The following RUVBL1 variants were observed in gnomAD, a reference collection of about 807,000 sequenced individuals.
RUVBL1 encodes ruvB-like 1.
A neutral mutation model predicts 52.4 loss-of-function variants in RUVBL1; 4 were observed. The observed-to-expected ratio is 0.08, with a 90% CI of 0.04 to 0.17. RUVBL1 has a LOEUF of 0.17. RUVBL1 is among the 10% of genes least tolerant of loss of function. The pLI is 1.00. For missense variants in RUVBL1, 298 were observed against 572.8 expected (o/e 0.52, Z 4.90); for synonymous variants, 217 against 214.4 (o/e 1.01, Z -0.10).
At chr3:128,068,071 C>A in intron 9 of RUVBL1, 2 of 1,608,854 alleles carry the variant, frequency 1.2e-6, no homozygotes, top group Non-Finnish European at 1.7e-6. Context: ...TGAGTGGTGG[C>A]CCCAGGTCCC....
intron 1 of RUVBL1, among the ~76,000 whole-genome samples, chr3:128,133,580 A>G (rs1160271880): frequency 6.6e-6 from 1 of 152,236 alleles, no homozygotes; most frequent in Non-Finnish European, 1.5e-5. Context: ...ACGGGAAGAG[A>G]ACAAGAGTCT....
chr3:128,148,899 T>A (rs1944143240), intron 1 of RUVBL1, among the ~76,000 whole-genome samples: 1 of 152,196 alleles, frequency 6.6e-6, no homozygotes, highest in East Asian at 1.9e-4. Context: ...TATTCCACAG[T>A]ATAGACAGAC....
chr3:128,134,240 A>T (rs1943918682), intron 1 of RUVBL1, among the ~76,000 whole-genome samples: 1 of 151,920 alleles, frequency 6.6e-6, no homozygotes, highest in African/African-American at 2.4e-5. Context: ...AGGTAGGCAG[A>T]TCACTTGAGG....
Position 128,067,269 on chromosome 3 carries a change from A to C in RUVBL1, c.940-2049T>G. ...GATATTTTCCATTGTGCCTTTTACAAATTCAGCACATTAAATTATCTTTTC... is the reference window on the plus strand; with the variant it reads ...GATATTTTCCATTGTGCCTTTTACACATTCAGCACATTAAATTATCTTTTC... On this transcript the variant is annotated intron_variant, in intron 9 of 9. Transcript: ENST00000464873. The surrounding 1 kb of genome is among the most constrained non-coding windows in gnomAD (Gnocchi z 4.1). 13 of 1,303,104 alleles carry C rather than the reference A, an allele frequency of 1.0e-5. No homozygotes were observed. The highest frequency in any genetic ancestry group is 1.3e-5 in the Non-Finnish European group (12 of 927,826). 80.7% of individuals were successfully genotyped at this position (1,303,104 alleles called of 1,614,324 possible). A position where few individuals can be genotyped will look rare whatever the true frequency, so the allele number is the denominator to read the frequency against.
chr3:128,153,236 G>A, exon 1 of RUVBL1: 1 of 1,338,530 alleles, frequency 7.5e-7, no homozygotes, highest in Non-Finnish European at 9.5e-7. Flanking sequence ...TTCTCAGAAG[G>A]ATCCCTCCAT....
intron 9 of RUVBL1, chr3:128,071,093 C>T (rs2107656797): frequency 6.6e-6 from 1 of 152,508 alleles, no homozygotes; most frequent in African/African-American, 2.4e-5. Flanking sequence ...AGCACAGGGC[C>T]ACCGCCACAG....
In RUVBL1 at chr3:128,123,802, C is replaced by G. The variant is rs1313103859; in HGVS notation, c.-78G>C. The G allele has an allele frequency of 3.4e-6, 5 of 1,485,368 alleles. No homozygotes were observed. In the African/African-American group the frequency reaches 7.0e-5, roughly 21 times the overall value. 92.0% of individuals were successfully genotyped at this position (1,485,368 alleles called of 1,614,324 possible). A position where few individuals can be genotyped will look rare whatever the true frequency, so the allele number is the denominator to read the frequency against. Reference sequence around the variant, plus strand: ...TGCGCCCGGCGCCTGAGTTACCATGCGGCCGTTACTAGGGCAATTTGCAAA... The same window carrying G: ...TGCGCCCGGCGCCTGAGTTACCATGGGGCCGTTACTAGGGCAATTTGCAAA... On this transcript the variant is annotated 5_prime_UTR_variant, in exon 1 of 11. Coordinates refer to ENST00000322623, the MANE Select transcript of RUVBL1 (RefSeq NM_003707.3).
chr3:128,065,908 A>AT (rs749114427), intron 9 of RUVBL1, among the ~76,000 whole-genome samples: 2 of 150,244 alleles, frequency 1.3e-5, no homozygotes, highest in Non-Finnish European at 3.0e-5. Flanking sequence ...CGCCCGGCTA[A>AT]TTTTTTTTTA....
intron 3 of RUVBL1, among the ~76,000 whole-genome samples, chr3:128,105,371 C>T (rs1372865154): frequency 4.0e-5 from 6 of 151,856 alleles, no homozygotes; most frequent in Non-Finnish European, 7.4e-5. Context: ...CTACCCTCCT[C>T]GGCCTCCCAA....
chr3:128,137,898 C>T (rs1167015239), intron 1 of RUVBL1, among the ~76,000 whole-genome samples: 1 of 152,192 alleles, frequency 6.6e-6, no homozygotes, highest in Non-Finnish European at 1.5e-5. Context: ...ATATGCAAAT[C>T]AACCAGTGTG....
intron 8 of RUVBL1, among the ~76,000 whole-genome samples, chr3:128,088,662 G>A (rs540468977): frequency 2.0e-5 from 3 of 151,840 alleles, no homozygotes; most frequent in African/African-American, 4.8e-5. Flanking sequence ...GAGTGCAGTG[G>A]CATGATTCTA....
intron 1 of RUVBL1, among the ~76,000 whole-genome samples, chr3:128,152,852 CG>C (rs1272999195): frequency 1.5e-5 from 2 of 136,226 alleles, no homozygotes; most frequent in Non-Finnish European, 3.1e-5. Context: ...CTGCTGCTGG[CG>C]GGGGTGGCCA....
At chr3:128,066,879 C>G (rs1941997697) in intron 9 of RUVBL1, 2 of 1,468,428 alleles carry the variant, frequency 1.4e-6, no homozygotes, top group East Asian at 2.3e-5. Flanking sequence ...TGGACAGTCC[C>G]CGGCCGGGCT....
intron 3 of RUVBL1, among the ~76,000 whole-genome samples, chr3:128,111,758 A>G (rs1261264418): frequency 6.6e-6 from 1 of 152,296 alleles, no homozygotes; most frequent in East Asian, 1.9e-4. Flanking sequence ...TCCGAAACTG[A>G]ACTTTTTCAT....
exon 1 of RUVBL1, chr3:128,153,841 C>T (rs1049655901): frequency 2.7e-6 from 4 of 1,492,856 alleles, no homozygotes; most frequent in Non-Finnish European, 3.5e-6. Flanking sequence ...CGGGCCGGGG[C>T]GGGAGCCGGG....
At chr3:128,096,230 G>C (rs1942965896) in intron 8 of RUVBL1, among the ~76,000 whole-genome samples, 1 of 152,166 alleles carries the variant, frequency 6.6e-6, no homozygotes, top group African/African-American at 2.4e-5. Flanking sequence ...GTTTAAACAA[G>C]ATCACAGAAA....
intron 1 of RUVBL1, among the ~76,000 whole-genome samples, chr3:128,134,031 C>T (rs1271134076): frequency 6.6e-6 from 1 of 151,988 alleles, no homozygotes; most frequent in African/African-American, 2.4e-5. Context: ...AGAATCCTAT[C>T]AGATAAATTT....
chr3:128,066,591 T>G, intron 9 of RUVBL1: 3 of 228,748 alleles, frequency 1.3e-5, no homozygotes, highest in Non-Finnish European at 2.6e-5. Flanking sequence ...CCCGGCCAGT[T>G]TTGTTTATTT....
chr3:128,113,115 T>G, intron 2 of RUVBL1, 95 bp from the exon 3 acceptor site: 1 of 1,400,262 alleles, frequency 7.1e-7, no homozygotes, highest in Non-Finnish European at 9.8e-7. Flanking sequence ...TAGGAACAGC[T>G]GAACATCTAG....
Sources: gnomAD v4.1 joint callset for allele counts (sites outside exome capture counted in the v4.1 genomes callset) on GRCh38, gnomAD v4.1.1 for gene constraint, Gnocchi (gnomAD v3.1) non-coding constraint, MANE v1.5 for transcripts, NCBI Gene and HGNC (gene_info 2026-07-23, HGNC 2026-07-21) for gene names.